The following DLGAP1 variants were observed in gnomAD, a reference collection of about 807,000 sequenced individuals.
DLGAP1 encodes DLG associated protein 1.
Under a neutral mutation model 90.8 loss-of-function variants are expected in DLGAP1, and 11 were observed. The observed-to-expected ratio is 0.12, with a 90% CI of 0.08 to 0.20. DLGAP1 has a LOEUF of 0.20. DLGAP1 is among the 10% of genes least tolerant of loss of function. The pLI, the probability that DLGAP1 is intolerant of heterozygous loss-of-function variation, is 1.00. For missense variants in DLGAP1, 1,050 were observed against 1,333.8 expected, an observed-to-expected ratio of 0.79 and a Z score of 3.31; for synonymous variants, 558 against 540.7, an observed-to-expected ratio of 1.03 and a Z score of -0.44.
intron 1 of DLGAP1, among the ~76,000 whole-genome samples, chr18:4,420,128 T>C (rs1168496073): frequency 6.6e-6 from 1 of 152,176 alleles, no homozygotes; most frequent in Non-Finnish European, 1.5e-5. Context: ...AAAGAGTCAA[T>C]TCTCTAAGAA....
chr18:3,554,399 T>G (rs760087573), intron 9 of DLGAP1, among the ~76,000 whole-genome samples: 1 of 152,320 alleles, frequency 6.6e-6, no homozygotes, highest in African/African-American at 2.4e-5. Flanking sequence ...TAATGTTTGA[T>G]GAAGATGATG....
chr18:3,941,902 C>A (rs1225260624), intron 3 of DLGAP1, among the ~76,000 whole-genome samples: 1 of 152,080 alleles, frequency 6.6e-6, no homozygotes, highest in Non-Finnish European at 1.5e-5. Context: ...TTTGTAAAGA[C>A]AGGGCCTCAC....
chr18:4,207,936 A>AT (rs1485248548), intron 1 of DLGAP1, among the ~76,000 whole-genome samples: 3 of 152,188 alleles, frequency 2.0e-5, no homozygotes, highest in East Asian at 1.9e-4. Context: ...AATCATCCGC[A>AT]TTTTTTTGAA....
chr18:3,561,845 G>A (rs2054136353), intron 9 of DLGAP1, among the ~76,000 whole-genome samples: 2 of 150,536 alleles, frequency 1.3e-5, no homozygotes, highest in South Asian at 4.2e-4. Flanking sequence ...ACAAAAGAAA[G>A]AGGTTTATGG....
intron 1 of DLGAP1, among the ~76,000 whole-genome samples, chr18:4,283,379 T>C (rs1207475784): frequency 6.6e-6 from 1 of 152,172 alleles, no homozygotes; most frequent in Non-Finnish European, 1.5e-5. Context: ...TTAGGCAATA[T>C]TATGTAGCAA....
intron 1 of DLGAP1, among the ~76,000 whole-genome samples, chr18:4,291,033 G>A (rs2079836978): frequency 6.6e-6 from 1 of 152,136 alleles, no homozygotes; most frequent in Non-Finnish European, 1.5e-5. Flanking sequence ...GGAGGAATAG[G>A]AAGACCTTAG....
intron 10 of DLGAP1, among the ~76,000 whole-genome samples, chr18:3,527,839 TG>T (rs1212159874): frequency 6.6e-6 from 1 of 152,154 alleles, no homozygotes; most frequent in African/African-American, 2.4e-5. Flanking sequence ...GCGATCCTCA[TG>T]GCATGGCCTC....
chr18:4,019,022 T>C (rs2074566761), intron 2 of DLGAP1, among the ~76,000 whole-genome samples: 1 of 152,246 alleles, frequency 6.6e-6, no homozygotes, highest in South Asian at 2.1e-4. Context: ...CATCATTGAC[T>C]GAATTTTTTC....
At chr18:4,242,733 G>C (rs550681616) in intron 1 of DLGAP1, among the ~76,000 whole-genome samples, 9 of 152,172 alleles carry the variant, frequency 5.9e-5, no homozygotes, top group South Asian at 2.1e-4. Flanking sequence ...GTGAGGGCTA[G>C]ATCATGCATG....
At chr18:3,908,922 C>T (rs1043589153) in intron 3 of DLGAP1, among the ~76,000 whole-genome samples, 1 of 152,096 alleles carries the variant, frequency 6.6e-6, no homozygotes, top group African/African-American at 2.4e-5. Context: ...AATAGGACCC[C>T]TCATTCATCT....
At chr18:3,575,165 T>C (rs866472748) in intron 8 of DLGAP1, among the ~76,000 whole-genome samples, 14 of 152,232 alleles carry the variant, frequency 9.2e-5, no homozygotes, top group African/African-American at 3.4e-4. Flanking sequence ...CTTTGGTTTG[T>C]ACTTTACTTG....
chr18:3,947,095 T>A (rs2072892070), intron 3 of DLGAP1, among the ~76,000 whole-genome samples: 1 of 152,180 alleles, frequency 6.6e-6, no homozygotes, highest in Non-Finnish European at 1.5e-5. Flanking sequence ...CTGCAATCCC[T>A]AAACCCACCG....
chr18:3,562,095 C>T (rs1034964432), intron 9 of DLGAP1, among the ~76,000 whole-genome samples: 37 of 151,960 alleles, frequency 2.4e-4, no homozygotes, highest in African/African-American at 8.0e-4. Flanking sequence ...GGCGTGGTGG[C>T]GGGCACCTGT....
chr18:3,724,154 G>A (rs943842477), intron 7 of DLGAP1, among the ~76,000 whole-genome samples: 2 of 151,688 alleles, frequency 1.3e-5, no homozygotes, highest in African/African-American at 2.4e-5. Flanking sequence ...GCAAGTCTTC[G>A]TCTCTACCTC....
At chr18:4,072,805 G>A (rs2075468775) in intron 2 of DLGAP1, among the ~76,000 whole-genome samples, 1 of 152,106 alleles carries the variant, frequency 6.6e-6, no homozygotes, top group Admixed American at 6.6e-5. Flanking sequence ...AATGTTATGA[G>A]TTATAGATAA....
At chr18:4,241,411 T>A (rs374816366) in intron 1 of DLGAP1, among the ~76,000 whole-genome samples, 26 of 152,216 alleles carry the variant, frequency 1.7e-4, no homozygotes, top group Admixed American at 1.3e-4. Flanking sequence ...TGAATTTTCA[T>A]AGACTGCCTT....
chr18:4,339,436 T>C (rs1035499328), intron 1 of DLGAP1, among the ~76,000 whole-genome samples: 2 of 152,164 alleles, frequency 1.3e-5, no homozygotes, highest in African/African-American at 4.8e-5. Context: ...TGTTTTCCTA[T>C]GCAACAAACC....
intron 1 of DLGAP1, among the ~76,000 whole-genome samples, chr18:4,440,037 G>A (rs56126736): frequency 0.091 from 13,424 of 147,762 alleles, 937 homozygotes; most frequent in Non-Finnish European, 0.13. Flanking sequence ...GGAGACTGGC[G>A]TGAACCCGGG....
At chr18:3,522,023 AAAAGTCACACCATCT>A (rs1041107669) in intron 10 of DLGAP1, among the ~76,000 whole-genome samples, 2 of 151,888 alleles carry the variant, frequency 1.3e-5, no homozygotes, top group African/African-American at 4.8e-5. Flanking sequence ...ACTAGCCTGG[AAAAGTCACACCATCT>A]AGGATAAGTT....
Sources: allele counts gnomAD v4.1 joint callset (sites outside exome capture counted in the v4.1 genomes callset), GRCh38; gene constraint gnomAD v4.1.1; transcripts MANE v1.5; gene names NCBI Gene and HGNC (gene_info 2026-07-23, HGNC 2026-07-21).